HTT: variants seen among roughly 807,000 people sequenced by gnomAD.
HTT encodes huntingtin.
Under a neutral mutation model 362.3 loss-of-function variants are expected in HTT, and 104 were observed. The observed-to-expected ratio is 0.29, with a 90% confidence interval of 0.24 to 0.34. The LOEUF is 0.34. Ranked by LOEUF, HTT falls within the 10% of genes least tolerant of loss-of-function variation. The probability of loss-of-function intolerance (pLI) is 1.00; values close to 1 mark genes in which losing one functional copy is unlikely to be tolerated. For missense variants in HTT, 3,301 were observed against 3,928.6 expected, an observed-to-expected ratio of 0.84 and a Z score of 4.27; for synonymous variants, 1,577 against 1,548.7, an observed-to-expected ratio of 1.02 and a Z score of -0.43.
At chr4:3,191,209 T>C (rs1718998241) in intron 40 of HTT, among the ~76,000 whole-genome samples, 1 of 151,740 alleles carries the variant, frequency 6.6e-6, no homozygotes, top group Non-Finnish European at 1.5e-5. Flanking sequence ...GTTTCACTCT[T>C]GTTGCCCATC....
At chr4:3,079,371 C>G (rs1321105806) in intron 1 of HTT, among the ~76,000 whole-genome samples, 7 of 151,918 alleles carry the variant, frequency 4.6e-5, no homozygotes, top group African/African-American at 1.7e-4. Flanking sequence ...ATCCTCCCAC[C>G]TCAACCTCAC....
In HTT at chr4:3,120,567, C is replaced by T. The variant is rs116955486; in HGVS notation, c.1069-661C>T. Among the ~76,000 whole-genome samples, 163 of 152,272 alleles carry T rather than the reference C, an allele frequency of 1.1e-3. 2 individuals carry two copies. In the East Asian group the frequency reaches 0.026, roughly 24 times the overall value. On this transcript the variant is annotated intron_variant, in intron 8 of 66. Transcript: ENST00000355072. ...GTGAGCTGGCATTCCCACCTGAGCA[C>T]CGCCTCCTGTCAGATCAGTGGCAGC... is the stretch of plus-strand genomic sequence containing the variant.
intron 54 of HTT, among the ~76,000 whole-genome samples, chr4:3,223,010 T>A (rs1560600961): frequency 6.6e-6 from 1 of 152,216 alleles, no homozygotes; most frequent in Non-Finnish European, 1.5e-5. Flanking sequence ...TGGTTTGAAC[T>A]CACAGAAATG....
chr4:3,081,974 G>A (rs1712937092), intron 1 of HTT, among the ~76,000 whole-genome samples: 1 of 151,902 alleles, frequency 6.6e-6, no homozygotes, highest in Admixed American at 6.6e-5. Flanking sequence ...GAAAAACAAA[G>A]CCCTTCTTGC....
At chr4:3,204,951 C>G (rs1719784178) in intron 42 of HTT, among the ~76,000 whole-genome samples, 1 of 152,130 alleles carries the variant, frequency 6.6e-6, no homozygotes, top group African/African-American at 2.4e-5. Context: ...TCACTGCACT[C>G]CGGCCTGGGT....
At chr4:3,166,913 G>T (rs147752568) in intron 29 of HTT, among the ~76,000 whole-genome samples, 1 of 152,334 alleles carries the variant, frequency 6.6e-6, no homozygotes, top group South Asian at 2.1e-4. Flanking sequence ...GCAACACCCC[G>T]CCCTGCTTCG....
chr4:3,094,546 C>T (rs1713718870), intron 2 of HTT, among the ~76,000 whole-genome samples: 1 of 146,464 alleles, frequency 6.8e-6, no homozygotes, highest in Non-Finnish European at 1.5e-5. Context: ...GCGGGGGCTG[C>T]CCCCCACCTC....
At chr4:3,175,167 A>G (rs1718182661) in intron 33 of HTT, 60 bp downstream of exon 33, 1 of 1,433,420 alleles carries the variant, frequency 7.0e-7, no homozygotes, top group African/African-American at 1.4e-5. Context: ...AAATTACCCT[A>G]AAAGACACTG....
At chr4:3,128,823 G>A (rs1303233263) in intron 12 of HTT, 1 of 152,030 alleles carries the variant, frequency 6.6e-6, no homozygotes, top group African/African-American at 2.4e-5. Context: ...TATACAGTTC[G>A]CTGGTATTAA....
At chr4:3,219,807 C>G (rs1489854946) in intron 52 of HTT, among the ~76,000 whole-genome samples, 1 of 152,196 alleles carries the variant, frequency 6.6e-6, no homozygotes, top group Non-Finnish European at 1.5e-5. Flanking sequence ...GCCTGCTTGC[C>G]AATAAACATA....
At chr4:3,090,937 C>T (rs892598083) in intron 2 of HTT, among the ~76,000 whole-genome samples, 5 of 152,166 alleles carry the variant, frequency 3.3e-5, no homozygotes, top group East Asian at 1.9e-4. Flanking sequence ...TGCGGTGAAA[C>T]ACTGCCTCTA....
chr4:3,213,000 G>T, intron 49 of HTT: 1 of 356,120 alleles, frequency 2.8e-6, no homozygotes, highest in South Asian at 4.2e-5. Context: ...TCATCTGGAA[G>T]TACTTTATGT....
At chr4:3,144,104 C>A (rs967740619) in intron 23 of HTT, among the ~76,000 whole-genome samples, 1 of 151,964 alleles carries the variant, frequency 6.6e-6, no homozygotes, top group East Asian at 1.9e-4. Context: ...GGGGTATAGT[C>A]GGATTTCAGT....
chr4:3,116,606 T>C (rs1715040571), intron 8 of HTT, among the ~76,000 whole-genome samples: 1 of 152,200 alleles, frequency 6.6e-6, no homozygotes, highest in South Asian at 2.1e-4. Flanking sequence ...GGATAGGGGC[T>C]GGGTATACAA....
Position 3,180,645 on chromosome 4 carries a change from C to A in HTT, c.4743C>A (p.Tyr1581Ter). Residue 1581 changes from tyrosine (Y) to a stop codon, truncating the protein, a stop_gained, in exon 36 of 67, where the codon TAC (tyrosine) becomes TAA (stop). Transcript: ENST00000355072. LOFTEE classifies it high-confidence loss of function. ...CAATGTTACTGAGACTCATCCAGTA[C>A]CATCAGGTAAGAGGAATGTATGTTG... is the stretch of plus-strand genomic sequence containing the variant. ...VVSMLLRLIQYHQVLEMFILV... is the reference protein window; with the variant it reads ...VVSMLLRLIQ The A allele has an allele frequency of 6.2e-7, 1 of 1,612,082 alleles. No individual in the cohort carries two copies. The highest frequency in any genetic ancestry group is 8.5e-7 in the Non-Finnish European group (1 of 1,179,068).
At chr4:3,111,668 T>C (rs1714759487) in intron 6 of HTT, among the ~76,000 whole-genome samples, 1 of 152,166 alleles carries the variant, frequency 6.6e-6, no homozygotes, top group African/African-American at 2.4e-5. Flanking sequence ...TACTTTTTGT[T>C]TTCTGTGTGC....
At chr4:3,184,008 G>A (rs1718644020) in intron 37 of HTT, among the ~76,000 whole-genome samples, 2 of 152,002 alleles carry the variant, frequency 1.3e-5, no homozygotes, top group African/African-American at 4.8e-5. Flanking sequence ...ATGCGGGTAA[G>A]GGGACAGACA....
At chr4:3,105,537 C>G (rs916868602) in intron 5 of HTT, 101 bp downstream of exon 5, 1 of 809,720 alleles carries the variant, frequency 1.2e-6, no homozygotes, top group African/African-American at 1.7e-5. Flanking sequence ...GCTCTGCCCT[C>G]TCCAAATTGC....
chr4:3,154,084 G>C (rs1399802856), intron 26 of HTT, among the ~76,000 whole-genome samples: 1 of 152,180 alleles, frequency 6.6e-6, no homozygotes, highest in Non-Finnish European at 1.5e-5. Context: ...TTGTGGGCCA[G>C]TCCCTACCAT....
Sources: gnomAD v4.1 joint callset for allele counts (sites outside exome capture counted in the v4.1 genomes callset) on GRCh38, gnomAD v4.1.1 for gene constraint, MANE v1.5 for transcripts, NCBI Gene and HGNC (gene_info 2026-07-23, HGNC 2026-07-21) for gene names.